The following PRKN variants were observed in gnomAD, a reference collection of about 807,000 sequenced individuals.
PRKN encodes E3 ubiquitin-protein ligase parkin.
A neutral mutation model predicts 59.5 loss-of-function variants in PRKN; 56 were observed. The observed-to-expected ratio is 0.94, with a 90% CI of 0.76 to 1.18. PRKN has a LOEUF of 1.18. Ranked by LOEUF, PRKN falls within the 50% of genes most tolerant of loss-of-function variation. PRKN has a pLI of 0.00. For synonymous variants in PRKN, 250 were observed against 222.1 expected, an observed-to-expected ratio of 1.13 and a Z score of -1.12; for missense variants, 657 against 596.4, an observed-to-expected ratio of 1.10 and a Z score of -1.06.
chr6:161,822,406 T>C (rs921663790), intron 6 of PRKN, among the ~76,000 whole-genome samples: 1 of 152,202 alleles, frequency 6.6e-6, no homozygotes, highest in Non-Finnish European at 1.5e-5. Context: ...CTGGGCACGG[T>C]GGCTCACGCC....
chr6:161,885,176 C>T (rs910232189), intron 6 of PRKN, among the ~76,000 whole-genome samples: 1 of 151,682 alleles, frequency 6.6e-6, no homozygotes, highest in Non-Finnish European at 1.5e-5. Context: ...TCAGGCTTCA[C>T]CCCGGACCTA....
At chr6:161,953,947 G>A (rs1386655841) in intron 6 of PRKN, among the ~76,000 whole-genome samples, 6 of 152,132 alleles carry the variant, frequency 3.9e-5, no homozygotes, top group East Asian at 1.9e-4. Context: ...TATTGACTAT[G>A]TGACATTGAA....
At chr6:162,708,834 T>C (rs1027472265) in intron 1 of PRKN, among the ~76,000 whole-genome samples, 1 of 151,978 alleles carries the variant, frequency 6.6e-6, no homozygotes, top group Non-Finnish European at 1.5e-5. Context: ...CCGCAGGCCA[T>C]AGGGGTCCGT....
intron 7 of PRKN, among the ~76,000 whole-genome samples, chr6:161,606,285 A>G (rs780757680): frequency 9.2e-5 from 14 of 152,216 alleles, no homozygotes; most frequent in Non-Finnish European, 1.3e-4. Context: ...AGCAGGAGGA[A>G]GGGAGGCTGG....
chr6:162,530,849 G>C (rs1056255436), intron 1 of PRKN, among the ~76,000 whole-genome samples: 1 of 149,520 alleles, frequency 6.7e-6, no homozygotes, highest in African/African-American at 2.5e-5. Flanking sequence ...CTGAGCTCAG[G>C]AATTTGAGAC....
At chr6:162,209,129 A>G (rs1785084320) in intron 3 of PRKN, among the ~76,000 whole-genome samples, 2 of 152,216 alleles carry the variant, frequency 1.3e-5, no homozygotes, top group Admixed American at 6.5e-5. Flanking sequence ...GCTTCTGCAC[A>G]GCAGAAACTA....
Position 161,528,348 on chromosome 6 carries a change from C to T in PRKN, c.1083+20506G>A, listed in dbSNP as rs537198736. 3.9e-5 allele frequency among the ~76,000 whole-genome samples: 6 copies of T among 151,998 alleles called. No individual in the cohort carries two copies. The Middle Eastern group carries it at 0.01, about 259-fold the overall frequency. On this transcript the variant is annotated intron_variant, in intron 9 of 11. Transcript: ENST00000366898. ...TGGGAACGCAATGTGGCCTCTCATA[C>T]ACTCCAGGAGCTGTTCCTCCACCCC...
At chr6:162,624,485 A>G (rs920400598) in intron 1 of PRKN, 1 of 152,364 alleles carries the variant, frequency 6.6e-6, no homozygotes, top group African/African-American at 2.4e-5. Flanking sequence ...GGTTTCTAAT[A>G]TCGGAGTTCA....
intron 9 of PRKN, among the ~76,000 whole-genome samples, chr6:161,495,327 T>C (rs755094192): frequency 2.0e-4 from 31 of 152,168 alleles, no homozygotes; most frequent in Non-Finnish European, 4.6e-4. Flanking sequence ...TCAGACAACA[T>C]GCTATGGCTC....
intron 9 of PRKN, among the ~76,000 whole-genome samples, chr6:161,436,801 G>A (rs1264198802): frequency 1.3e-5 from 2 of 152,068 alleles, no homozygotes; most frequent in Non-Finnish European, 2.9e-5. Flanking sequence ...GTATCTGTAA[G>A]AGTAGCTTTC....
intron 6 of PRKN, among the ~76,000 whole-genome samples, chr6:161,875,712 C>T (rs1203534790): frequency 6.6e-6 from 1 of 152,038 alleles, no homozygotes; most frequent in African/African-American, 2.4e-5. Context: ...ACGTGGGACC[C>T]CAAGGCCACA....
At chr6:161,680,104 G>C (rs898237622) in intron 7 of PRKN, among the ~76,000 whole-genome samples, 1 of 152,112 alleles carries the variant, frequency 6.6e-6, no homozygotes, top group African/African-American at 2.4e-5. Context: ...TGGCCTTGTT[G>C]CTGGGCAAAG....
chr6:161,705,521 G>C (rs1786449906), intron 7 of PRKN, among the ~76,000 whole-genome samples: 1 of 152,082 alleles, frequency 6.6e-6, no homozygotes, highest in Admixed American at 6.5e-5. Context: ...TCTAACATCA[G>C]CCTCAAAGGG....
chr6:161,464,257 G>A (rs1790342262), intron 9 of PRKN, among the ~76,000 whole-genome samples: 1 of 152,136 alleles, frequency 6.6e-6, no homozygotes. Context: ...CAGGTAATCT[G>A]CCTACCTCAG....
intron 7 of PRKN, among the ~76,000 whole-genome samples, chr6:161,757,925 C>CACA (rs1789018618): frequency 7.2e-6 from 1 of 138,026 alleles, no homozygotes; most frequent in African/African-American, 2.8e-5. Flanking sequence ...ACACACATCT[C>CACA]TCTCTCTGTA....
At chr6:162,470,871 C>T (rs575833615) in intron 1 of PRKN, among the ~76,000 whole-genome samples, 2 of 152,066 alleles carry the variant, frequency 1.3e-5, no homozygotes, top group East Asian at 2.0e-4. Context: ...ATTCTCCTGC[C>T]TCAGTCTCCT....
Position 161,397,739 on chromosome 6 carries a change from C to T in PRKN, c.1084-10862G>A, listed in dbSNP as rs1335797160. On this transcript the variant is annotated intron_variant, in intron 9 of 11. Transcript: ENST00000366898. This position sits in a 1 kb window ranked among gnomAD's most constrained non-coding sequence, Gnocchi z 4.2. ...TGGAAAAGCCTCAACTTCTGAGAAG[C>T]AGAAGAGGATAGCACAGTGCTGAGG... is the stretch of plus-strand genomic sequence containing the variant. Among the ~76,000 whole-genome samples the T allele has an allele frequency of 1.3e-5, 2 of 152,114 alleles. No individual in the cohort carries two copies. The highest frequency in any genetic ancestry group is 4.8e-5 in the African/African-American group (2 of 41,412).
At chr6:161,358,761 C>T (rs999186804) in intron 11 of PRKN, among the ~76,000 whole-genome samples, 3 of 150,166 alleles carry the variant, frequency 2.0e-5, no homozygotes, top group South Asian at 2.1e-4. Context: ...GAAGCTCTTT[C>T]CTTCCATCCC....
At position 161,566,729 on chromosome 6, in the gene PRKN, C is replaced by A. The variant is rs1015430398; in HGVS notation, c.933+2626G>T. On this transcript the variant is annotated intron_variant, in intron 8 of 11. Coordinates refer to ENST00000366898, the MANE Select transcript of PRKN (RefSeq NM_004562.3). The surrounding 1 kb of genome is among the most constrained non-coding windows in gnomAD (Gnocchi z 4.1). ...GCCTCCTCCCACTTTATTATTGCAA[C>A]CCTATCTCATGCAATGTGGCTCCTT... Among the ~76,000 whole-genome samples, 1 of 152,034 alleles carries A rather than the reference C, an allele frequency of 6.6e-6. No homozygotes were observed. The highest frequency in any genetic ancestry group is 1.5e-5 in the Non-Finnish European group (1 of 67,990).
Sources: allele counts gnomAD v4.1 joint callset (sites outside exome capture counted in the v4.1 genomes callset), GRCh38; gene constraint gnomAD v4.1.1; non-coding constraint Gnocchi (gnomAD v3.1); transcripts MANE v1.5; gene names NCBI Gene and HGNC (gene_info 2026-07-23, HGNC 2026-07-21).